Variants in MKLN1 observed in about 807,000 individuals in gnomAD.
The protein encoded by MKLN1 is muskelin.
In MKLN1, 18 loss-of-function variants were observed where a neutral mutation model predicts 99.0. The observed-to-expected ratio is 0.18, with a 90% CI of 0.13 to 0.27. The LOEUF (loss-of-function observed/expected upper bound fraction) is 0.27, where lower values mean the gene tolerates loss of function less well. Among genes scored for constraint, MKLN1 ranks in the 10% least tolerant of loss-of-function variants. The probability of loss-of-function intolerance (pLI) is 1.00; values close to 1 mark genes in which losing one functional copy is unlikely to be tolerated. For synonymous variants in MKLN1, 288 were observed against 293.2 expected, an observed-to-expected ratio of 0.98 and a Z score of 0.18; for missense variants, 621 against 875.9, an observed-to-expected ratio of 0.71 and a Z score of 3.67.
chr7:131,327,702 C>T, upstream of MKLN1: 1 of 941,600 alleles, frequency 1.1e-6, no homozygotes, highest in Non-Finnish European at 1.5e-6. Flanking sequence ...GACCCAGTGT[C>T]GGTCAGCCGT....
intron 1 of MKLN1, among the ~76,000 whole-genome samples, chr7:131,340,354 T>G (rs1777197194): frequency 7.1e-6 from 1 of 140,326 alleles, no homozygotes. Flanking sequence ...CTTGGCTTAC[T>G]ACAACCTCTG....
chr7:131,358,452 T>G (rs2116791687), intron 1 of MKLN1, among the ~76,000 whole-genome samples: 1 of 152,286 alleles, frequency 6.6e-6, no homozygotes, highest in African/African-American at 2.4e-5. Flanking sequence ...TTTGAGATTA[T>G]TTTTGCATCC....
At chr7:131,402,361 T>G (rs1794574314) in intron 6 of MKLN1, among the ~76,000 whole-genome samples, 1 of 152,234 alleles carries the variant, frequency 6.6e-6, no homozygotes, top group Non-Finnish European at 1.5e-5. Context: ...CTCTTGCTAT[T>G]TCTACCACAT....
chr7:131,417,029 G>A (rs1795039136), intron 8 of MKLN1, among the ~76,000 whole-genome samples: 1 of 148,300 alleles, frequency 6.7e-6, no homozygotes, highest in African/African-American at 2.5e-5. Context: ...TGTTATTTGA[G>A]TAACTACTAG....
At chr7:131,469,970 G>A (rs1353579321) in intron 15 of MKLN1, among the ~76,000 whole-genome samples, 1 of 151,190 alleles carries the variant, frequency 6.6e-6, no homozygotes, top group East Asian at 1.9e-4. Context: ...TGACCTCCCA[G>A]GCTCAAGCAG....
At chr7:131,278,802 G>A (rs896176287) in intron 3 of MKLN1, among the ~76,000 whole-genome samples, 3 of 151,540 alleles carry the variant, frequency 2.0e-5, no homozygotes, top group Non-Finnish European at 2.9e-5. Context: ...GTCTTACTAC[G>A]TTGCCCAGGC....
chr7:131,416,203 A>G (rs1268975089), intron 8 of MKLN1, among the ~76,000 whole-genome samples: 1 of 152,234 alleles, frequency 6.6e-6, no homozygotes, highest in Admixed American at 6.5e-5. Flanking sequence ...TTCCTTAAAT[A>G]TAAAAGTAAT....
At chr7:131,416,166 C>G (rs1488729141) in intron 8 of MKLN1, among the ~76,000 whole-genome samples, 1 of 152,176 alleles carries the variant, frequency 6.6e-6, no homozygotes, top group South Asian at 2.1e-4. Flanking sequence ...TTGAAAGGAG[C>G]CTTTACCTTT....
Position 131,199,841 on chromosome 7 carries a change from G to A in MKLN1, c.-296-3016G>A, listed in dbSNP as rs867773935. 1.4e-4 allele frequency among the ~76,000 whole-genome samples: 22 copies of A among 151,956 alleles called. No individual in the cohort carries two copies. In the Middle Eastern group the frequency reaches 0.014, roughly 94 times the overall value. ...CCCAAGTAGCTGGGACTACAGGTGC[G>A]TGCCACCATGCCCAGCTAATTTTTT... On this transcript the variant is annotated intron_variant, in intron 2 of 7. Transcript: ENST00000416992.
chr7:131,202,865 G>C (rs16873935), exon 3 of MKLN1: 1 of 152,186 alleles, frequency 6.6e-6, no homozygotes, highest in East Asian at 1.9e-4. Flanking sequence ...AGTTTCTGGC[G>C]CAGAAATGTT....
intron 2 of MKLN1, among the ~76,000 whole-genome samples, chr7:131,179,556 C>CATTATTATG (rs1554532900): frequency 6.7e-6 from 1 of 150,352 alleles, no homozygotes; most frequent in Non-Finnish European, 1.5e-5. Context: ...TTAAAAGAGA[C>CATTATTATG]ATTATTATTA....
chr7:131,225,467 C>G (rs1282525227), intron 3 of MKLN1, among the ~76,000 whole-genome samples: 2 of 152,134 alleles, frequency 1.3e-5, no homozygotes, highest in Non-Finnish European at 2.9e-5. Flanking sequence ...CAGCTGGAGT[C>G]CCAGCCACCT....
intron 1 of MKLN1, among the ~76,000 whole-genome samples, chr7:131,367,117 G>T (rs763572444): frequency 6.6e-6 from 1 of 152,048 alleles, no homozygotes; most frequent in Non-Finnish European, 1.5e-5. Flanking sequence ...TCTCATAGAA[G>T]AATTTAATTA....
intron 17 of MKLN1, among the ~76,000 whole-genome samples, chr7:131,485,292 T>C (rs558951490): frequency 2.0e-5 from 3 of 152,008 alleles, no homozygotes; most frequent in Non-Finnish European, 4.4e-5. Context: ...AATCCCTGAG[T>C]ACACAGTGAT....
At chr7:131,367,369 T>A (rs1238780697) in intron 1 of MKLN1, among the ~76,000 whole-genome samples, 1 of 152,232 alleles carries the variant, frequency 6.6e-6, no homozygotes, top group East Asian at 1.9e-4. Flanking sequence ...GATATTTAAT[T>A]TAACTCTAGT....
intron 15 of MKLN1, among the ~76,000 whole-genome samples, chr7:131,470,557 A>G (rs1796789960): frequency 6.6e-6 from 1 of 152,194 alleles, no homozygotes. Context: ...TAGTTGGTTT[A>G]GTGCTACCTT....
At chr7:131,165,249 G>A (rs191659650) in intron 2 of MKLN1, among the ~76,000 whole-genome samples, 2 of 152,250 alleles carry the variant, frequency 1.3e-5, no homozygotes, top group East Asian at 3.9e-4. Flanking sequence ...GTAATGGCGC[G>A]ATCTCTGCTC....
At chr7:131,210,545 T>C (rs1236064123) in intron 3 of MKLN1, among the ~76,000 whole-genome samples, 1 of 136,454 alleles carries the variant, frequency 7.3e-6, no homozygotes, top group East Asian at 2.2e-4. Context: ...AAAATAAACA[T>C]ACAAAAAATT....
At chr7:131,122,078 C>T (rs937387372) in intron 1 of MKLN1, among the ~76,000 whole-genome samples, 3 of 152,178 alleles carry the variant, frequency 2.0e-5, no homozygotes, top group African/African-American at 7.2e-5. Context: ...CGTTAAGCTC[C>T]TTGAGAGTTA....
Sources: allele counts gnomAD v4.1 joint callset (sites outside exome capture counted in the v4.1 genomes callset), GRCh38; gene constraint gnomAD v4.1.1; transcripts MANE v1.5; gene names NCBI Gene and HGNC (gene_info 2026-07-23, HGNC 2026-07-21).